Variants in EYS observed in about 807,000 individuals in gnomAD.
The protein encoded by EYS is EGF-like photoreceptor maintenance factor, also known as protein eyes shut homolog.
A neutral mutation model predicts 282.1 loss-of-function variants in EYS; 250 were observed. That is an observed-to-expected ratio of 0.89 (90% CI 0.80 to 0.98). The LOEUF is 0.98. EYS is among the 50% of genes least tolerant of loss of function. EYS has a pLI of 0.00. For synonymous variants in EYS, 1,355 were observed against 1,282.9 expected, an observed-to-expected ratio of 1.06 and a Z score of -1.20; for missense variants, 4,016 against 3,709.0, an observed-to-expected ratio of 1.08 and a Z score of -2.15.
chr6:64,652,863 T>G (rs1351657685), intron 22 of EYS, among the ~76,000 whole-genome samples: 2 of 152,170 alleles, frequency 1.3e-5, no homozygotes, highest in African/African-American at 2.4e-5. Flanking sequence ...GAACTATGTA[T>G]AAAATTCCGT....
At chr6:63,894,075 T>C (rs1004614242) in intron 35 of EYS, among the ~76,000 whole-genome samples, 1 of 152,122 alleles carries the variant, frequency 6.6e-6, no homozygotes, top group Non-Finnish European at 1.5e-5. Context: ...CTTGCTAAAC[T>C]GTGGAAGGGG....
chr6:64,918,288 CA>C (rs1017340573), intron 15 of EYS, among the ~76,000 whole-genome samples: 11 of 151,988 alleles, frequency 7.2e-5, no homozygotes, highest in African/African-American at 2.7e-4. Context: ...TATGTAAAAA[CA>C]TATGAGAAGA....
At chr6:65,645,508 C>A (rs928809181) in intron 1 of EYS, among the ~76,000 whole-genome samples, 2 of 152,052 alleles carry the variant, frequency 1.3e-5, no homozygotes, top group African/African-American at 4.8e-5. Context: ...ACCTATCTAA[C>A]CCTCTGGGAT....
intron 24 of EYS, among the ~76,000 whole-genome samples, chr6:64,603,563 A>G (rs1220361960): frequency 6.6e-6 from 1 of 152,022 alleles, no homozygotes; most frequent in East Asian, 1.9e-4. Flanking sequence ...CAGGCTGTTT[A>G]TCAAAATCTT....
At chr6:64,942,088 G>T (rs992411270) in intron 15 of EYS, among the ~76,000 whole-genome samples, 2 of 152,048 alleles carry the variant, frequency 1.3e-5, no homozygotes, top group African/African-American at 2.4e-5. Flanking sequence ...GTGTTTAAAC[G>T]TTCTCTTTTC....
chr6:65,682,314 C>T (rs1051484881), intron 1 of EYS, among the ~76,000 whole-genome samples: 20 of 151,806 alleles, frequency 1.3e-4, no homozygotes, highest in South Asian at 4.2e-4. Context: ...ATCTTAGCTA[C>T]GGAGTGGGAA....
chr6:64,783,318 A>C (rs923476456), intron 22 of EYS, among the ~76,000 whole-genome samples: 2 of 150,856 alleles, frequency 1.3e-5, no homozygotes, highest in South Asian at 2.1e-4. Flanking sequence ...TACATATCCT[A>C]TATACATATC....
At chr6:65,687,576 G>C (rs967528435) in intron 1 of EYS, among the ~76,000 whole-genome samples, 13 of 152,060 alleles carry the variant, frequency 8.5e-5, no homozygotes, top group African/African-American at 2.9e-4. Flanking sequence ...TGGAAGTTCT[G>C]GCCAGGACAA....
At chr6:63,825,029 G>C (rs571638956) in intron 36 of EYS, among the ~76,000 whole-genome samples, 1 of 152,238 alleles carries the variant, frequency 6.6e-6, no homozygotes, top group East Asian at 1.9e-4. Context: ...CCTCTCACCC[G>C]CCACCTGGGA....
At chr6:64,608,636 A>T (rs1437572928) in intron 24 of EYS, among the ~76,000 whole-genome samples, 1 of 152,158 alleles carries the variant, frequency 6.6e-6, no homozygotes, top group Non-Finnish European at 1.5e-5. Context: ...CTTATTCATG[A>T]TTGCCAAAAC....
chr6:63,755,115 C>T (rs930235942), intron 41 of EYS, among the ~76,000 whole-genome samples: 1 of 151,910 alleles, frequency 6.6e-6, no homozygotes, highest in Non-Finnish European at 1.5e-5. Flanking sequence ...GATAGATTGA[C>T]AAAATTTTCT....
At chr6:64,273,894 TTAAGTG>T (rs1768023157) in intron 30 of EYS, among the ~76,000 whole-genome samples, 1 of 152,232 alleles carries the variant, frequency 6.6e-6, no homozygotes, top group Admixed American at 6.5e-5. Context: ...GGCTTTTTGG[TTAAGTG>T]TATTTCCTTG....
intron 5 of EYS, among the ~76,000 whole-genome samples, chr6:65,445,440 T>C (rs1035475756): frequency 1.0e-5 from 1 of 98,870 alleles, no homozygotes; most frequent in Non-Finnish European, 2.6e-5. Context: ...ATTTTACCAC[T>C]TTTTTTTAAA....
chr6:65,570,131 A>T (rs1048787054), intron 2 of EYS, among the ~76,000 whole-genome samples: 1 of 150,602 alleles, frequency 6.6e-6, no homozygotes, highest in Non-Finnish European at 1.5e-5. Context: ...AAAAAATAAA[A>T]TAAAAAAAAG....
rs142410237 is a variant in EYS at position 65,482,907 on chromosome 6, G to C, written c.862+7687C>G. On this transcript the variant is annotated intron_variant, in intron 5 of 42. Transcript: ENST00000503581. ...ACAGTTTATTTTCTGACAATCACCT[G>C]TTTCTACATCAAATTCACACTTGAA... Among the ~76,000 whole-genome samples the C allele has an allele frequency of 2.0e-3, 297 of 152,166 alleles. 4 individuals carry two copies. The highest frequency in any genetic ancestry group is 0.016 in the East Asian group (82 of 5,176).
intron 26 of EYS, among the ~76,000 whole-genome samples, chr6:64,548,953 G>A (rs1183962611): frequency 1.3e-5 from 2 of 152,144 alleles, no homozygotes; most frequent in East Asian, 3.9e-4. Flanking sequence ...TGGGATCCAA[G>A]GAACAGCGTC....
chr6:65,459,273 C>A (rs1040168420), intron 5 of EYS, among the ~76,000 whole-genome samples: 1 of 151,936 alleles, frequency 6.6e-6, no homozygotes, highest in Admixed American at 6.6e-5. Context: ...TGGGGATATT[C>A]AATTAATATT....
intron 18 of EYS, among the ~76,000 whole-genome samples, chr6:64,896,231 A>G (rs1351627585): frequency 3.9e-5 from 6 of 152,200 alleles, no homozygotes; most frequent in Admixed American, 2.6e-4. Context: ...CAACTGAGGT[A>G]CCCAGTTCAT....
At chr6:64,483,273 G>C (rs1031835785) in intron 26 of EYS, among the ~76,000 whole-genome samples, 1 of 151,614 alleles carries the variant, frequency 6.6e-6, no homozygotes, top group Non-Finnish European at 1.5e-5. Flanking sequence ...TATGAAATGA[G>C]GGTAAGACTT....
Sources: gnomAD v4.1 joint callset for allele counts (sites outside exome capture counted in the v4.1 genomes callset) on GRCh38, gnomAD v4.1.1 for gene constraint, MANE v1.5 for transcripts, NCBI Gene and HGNC (gene_info 2026-07-23, HGNC 2026-07-21) for gene names.